PPP2R5C: variants seen among roughly 807,000 people sequenced by gnomAD.
The protein encoded by PPP2R5C is protein phosphatase 2 regulatory subunit B'gamma.
A neutral mutation model predicts 68.9 loss-of-function variants in PPP2R5C; 7 were observed. The ratio of observed to expected loss-of-function variants is 0.10; its 90% CI spans 0.06 to 0.19. The LOEUF (loss-of-function observed/expected upper bound fraction) is 0.19, where lower values mean the gene tolerates loss of function less well. PPP2R5C is among the 10% of genes least tolerant of loss of function. The pLI, the probability that PPP2R5C is intolerant of heterozygous loss-of-function variation, is 1.00. For missense variants in PPP2R5C, 348 were observed against 641.3 expected (o/e 0.54, Z 4.94); for synonymous variants, 210 against 222.2 (o/e 0.95, Z 0.49).
At chr14:101,845,488 C>T (rs898317961) in intron 1 of PPP2R5C, among the ~76,000 whole-genome samples, 1 of 149,108 alleles carries the variant, frequency 6.7e-6, no homozygotes, top group African/African-American at 2.4e-5. Flanking sequence ...CCCACCCATT[C>T]CCTGGTAGAA....
chr14:101,911,027 T>C (rs2141105524), intron 11 of PPP2R5C, among the ~76,000 whole-genome samples: 1 of 149,812 alleles, frequency 6.7e-6, no homozygotes, highest in Admixed American at 6.7e-5. Flanking sequence ...GGTGTGAACC[T>C]GGGAGGCGGA....
chr14:101,904,322 G>A (rs1336301479), intron 9 of PPP2R5C, among the ~76,000 whole-genome samples: 1 of 151,992 alleles, frequency 6.6e-6, no homozygotes, highest in African/African-American at 2.4e-5. Flanking sequence ...GCTGATTTTT[G>A]TATTTTTAGT....
chr14:101,917,674 A>C lies in PPP2R5C; in HGVS notation c.1327-157A>C. 1 of 907,954 alleles carries C rather than the reference A, an allele frequency of 1.1e-6. No homozygotes were observed. The highest frequency in any genetic ancestry group is 1.7e-6 in the Non-Finnish European group (1 of 604,854). The allele number at this position is 907,954 out of a possible 1,614,324, so 56.2% of individuals were successfully genotyped here. ...TCTGGTTTCAGAAGTCAGCAGCCGCATCATGTTGCAGGTGTAGGCGAGTCT... is the reference window on the plus strand; with the variant it reads ...TCTGGTTTCAGAAGTCAGCAGCCGCCTCATGTTGCAGGTGTAGGCGAGTCT... On this transcript the variant is annotated intron_variant, in intron 12 of 13. Transcript: ENST00000334743. The surrounding 1 kb of genome is among the most constrained non-coding windows in gnomAD (Gnocchi z 4.4).
intron 1 of PPP2R5C, chr14:101,836,057 T>C (rs2041073293): frequency 3.3e-6 from 2 of 606,434 alleles, no homozygotes; most frequent in Non-Finnish European, 5.9e-6. Flanking sequence ...TAAGATAAAA[T>C]ACAATGGGAA....
chr14:101,815,870 G>A (rs1288231061), intron 1 of PPP2R5C, among the ~76,000 whole-genome samples: 8 of 151,950 alleles, frequency 5.3e-5, no homozygotes, highest in Non-Finnish European at 8.8e-5. Flanking sequence ...GGGTTTCACC[G>A]TGATGGCCAG....
At chr14:101,801,803 T>A (rs2038872774) in intron 3 of PPP2R5C, among the ~76,000 whole-genome samples, 1 of 152,232 alleles carries the variant, frequency 6.6e-6, no homozygotes, top group South Asian at 2.1e-4. Context: ...CTATTAAAAC[T>A]TTTACAGCAT....
At chr14:101,896,269 C>A (rs1038056006) in intron 8 of PPP2R5C, among the ~76,000 whole-genome samples, 3 of 151,970 alleles carry the variant, frequency 2.0e-5, no homozygotes, top group African/African-American at 7.2e-5. Context: ...ATCCACCCGC[C>A]TCAGCCTCCC....
chr14:101,902,200 A>G (rs899410340), intron 9 of PPP2R5C, among the ~76,000 whole-genome samples: 2 of 152,162 alleles, frequency 1.3e-5, no homozygotes, highest in African/African-American at 4.8e-5. Flanking sequence ...ACACCTGAGC[A>G]TCAATATTGA....
chr14:101,818,272 C>T (rs2039839108), intron 1 of PPP2R5C: 1 of 152,202 alleles, frequency 6.6e-6, no homozygotes, highest in African/African-American at 2.4e-5. Flanking sequence ...TTATATACAT[C>T]TCCCCTCCTC....
intron 3 of PPP2R5C, among the ~76,000 whole-genome samples, chr14:101,803,746 CT>C (rs1169550216): frequency 1.3e-5 from 2 of 151,388 alleles, no homozygotes; most frequent in Non-Finnish European, 2.9e-5. Flanking sequence ...AAAAAAAAAT[CT>C]AAGACCTCAG....
chr14:101,805,045 A>C (rs1374224139), upstream of PPP2R5C, among the ~76,000 whole-genome samples: 1 of 152,146 alleles, frequency 6.6e-6, no homozygotes, highest in African/African-American at 2.4e-5. Context: ...ATAAGTGTTA[A>C]TGTCCTCGTG....
At chr14:101,855,910 T>G (rs746479942) in intron 1 of PPP2R5C, among the ~76,000 whole-genome samples, 4 of 152,252 alleles carry the variant, frequency 2.6e-5, no homozygotes, top group Non-Finnish European at 5.9e-5. Context: ...TGTCAATATG[T>G]GTAAAGTTTT....
intron 5 of PPP2R5C, among the ~76,000 whole-genome samples, chr14:101,887,608 T>C (rs937289548): frequency 7.2e-5 from 11 of 152,118 alleles, no homozygotes; most frequent in Non-Finnish European, 1.5e-5. Flanking sequence ...CTCCTCCAGG[T>C]TGTCTGAGTT....
At chr14:101,798,622 T>C (rs2038723643) in intron 3 of PPP2R5C, among the ~76,000 whole-genome samples, 1 of 152,264 alleles carries the variant, frequency 6.6e-6, no homozygotes, top group Non-Finnish European at 1.5e-5. Context: ...TGTTTCTTCA[T>C]TATTGTCTAG....
chr14:101,816,856 A>T (rs570848976), intron 1 of PPP2R5C, among the ~76,000 whole-genome samples: 2,374 of 143,440 alleles, frequency 0.017, 36 homozygotes, highest in Non-Finnish European at 0.027. Context: ...AGAGAAATAA[A>T]TATATATATT....
chr14:101,913,752 G>C lies in PPP2R5C; in HGVS notation c.1326+1279G>C, dbSNP rs1440282563. Reference sequence around the variant, plus strand: ...GCCCAGCCCTGCCTGACGCTGCCCTGCGTGTCTTGCTTTGTTCTGAAGAGC... The same window carrying C: ...GCCCAGCCCTGCCTGACGCTGCCCTCCGTGTCTTGCTTTGTTCTGAAGAGC... On this transcript the variant is annotated intron_variant, in intron 12 of 13. Coordinates refer to ENST00000334743, the Ensembl canonical transcript of PPP2R5C. This position sits in a 1 kb window ranked among gnomAD's most constrained non-coding sequence, Gnocchi z 4.1. Among the ~76,000 whole-genome samples the C allele has an allele frequency of 6.6e-6, 1 of 152,178 alleles. No homozygotes were observed. Among genetic ancestry groups the C allele is most frequent in the Non-Finnish European group, 1.5e-5 (1 of 68,030 alleles).
Position 101,815,826 on chromosome 14 carries a change from C to G in PPP2R5C, c.94+5790C>G, listed in dbSNP as rs529056202. Among the ~76,000 whole-genome samples, 4 of 152,264 alleles carry G rather than the reference C, an allele frequency of 2.6e-5. No individual in the cohort carries two copies. The South Asian group carries it at 6.2e-4, about 24-fold the overall frequency. On this transcript the variant is annotated intron_variant, in intron 1 of 13. Coordinates refer to ENST00000334743, the Ensembl canonical transcript of PPP2R5C. ...CTGGGATTACAGGTGCATGCCACCA[C>G]GCCCGGCTATTTTTTGTATTTTTAG... is the stretch of plus-strand genomic sequence containing the variant.
At position 101,882,316 on chromosome 14, in the gene PPP2R5C, T is replaced by C. The variant is rs780873715; in HGVS notation, c.405+45T>C. 6.8e-7 allele frequency: 1 copy of C among 1,474,038 alleles called. No individual in the cohort carries two copies. Among genetic ancestry groups the C allele is most frequent in the South Asian group, 1.2e-5 (1 of 81,850 alleles). 91.3% of individuals were successfully genotyped at this position (1,474,038 alleles called of 1,614,324 possible). A position where few individuals can be genotyped will look rare whatever the true frequency, so the allele number is the denominator to read the frequency against. On this transcript the variant is annotated intron_variant, in intron 3 of 13. Transcript: ENST00000334743. The surrounding 1 kb of genome is among the most constrained non-coding windows in gnomAD (Gnocchi z 4.9). ...AGACTCGGAGGGCACTGGTGACACA[T>C]GGGAATGGCCTGGGATCCACAGAGC...
Position 101,877,725 on chromosome 14 carries a change from C to G in PPP2R5C, c.295-4436C>G, listed in dbSNP as rs557993653. Among the ~76,000 whole-genome samples, 4 of 152,172 alleles carry G rather than the reference C, an allele frequency of 2.6e-5. No homozygotes were observed. The highest frequency in any genetic ancestry group is 4.4e-5 in the Non-Finnish European group (3 of 68,038). The stretch of plus-strand genomic sequence containing the variant: ...CCGTTGGCCCTCTGTTCCTTCCCCC[C>G]GCCCCAGTATTACTTTTTACTTAAC... On this transcript the variant is annotated intron_variant, in intron 2 of 13. Coordinates refer to ENST00000334743, the Ensembl canonical transcript of PPP2R5C. The surrounding 1 kb of genome is among the most constrained non-coding windows in gnomAD (Gnocchi z 4.2).
Sources: allele counts gnomAD v4.1 joint callset (sites outside exome capture counted in the v4.1 genomes callset), GRCh38; gene constraint gnomAD v4.1.1; non-coding constraint Gnocchi (gnomAD v3.1); transcripts MANE v1.5; gene names NCBI Gene and HGNC (gene_info 2026-07-23, HGNC 2026-07-21).